Variants in RANBP2 observed in about 807,000 individuals in gnomAD.
RANBP2 encodes E3 SUMO-protein ligase RanBP2.
RANBP2 carries 57 observed loss-of-function variants against 303.6 expected under a neutral mutation model. The ratio of observed to expected loss-of-function variants is 0.19; its 90% CI spans 0.15 to 0.23. The LOEUF (loss-of-function observed/expected upper bound fraction) is 0.23, where lower values mean the gene tolerates loss of function less well. Among genes scored for constraint, RANBP2 ranks in the 10% least tolerant of loss-of-function variants. The probability of loss-of-function intolerance (pLI) is 1.00; values close to 1 mark genes in which losing one functional copy is unlikely to be tolerated. For missense variants in RANBP2, 3,138 were observed against 3,780.8 expected, an observed-to-expected ratio of 0.83 and a Z score of 4.46; for synonymous variants, 1,167 against 1,301.5, an observed-to-expected ratio of 0.90 and a Z score of 2.23.
chr2:108,798,682 C>T, the RANBP2 span: 109 of 854,032 alleles, frequency 1.3e-4, no homozygotes, highest in Middle Eastern at 1.1e-3. Context: ...CTTATTTCTC[C>T]TTCCCTTCCT....
chr2:109,039,507 C>T, the RANBP2 span, among the ~76,000 whole-genome samples: 8 of 152,104 alleles, frequency 5.3e-5, no homozygotes, highest in South Asian at 2.1e-4. Context: ...CATGCCACCA[C>T]GCACAGCTAA....
At chr2:108,760,090 TTAA>T (rs1415955155) in intron 18 of RANBP2, among the ~76,000 whole-genome samples, 1 of 152,086 alleles carries the variant, frequency 6.6e-6, no homozygotes, top group African/African-American at 2.4e-5. Context: ...TTCTTTTTCC[TTAA>T]TAAAAGTAAA....
At chr2:109,536,509 T>C in the RANBP2 span, among the ~76,000 whole-genome samples, 1 of 152,200 alleles carries the variant, frequency 6.6e-6, no homozygotes, top group African/African-American at 2.4e-5. Flanking sequence ...ACCCCCGCTA[T>C]ATCTAGGAAG....
chr2:109,088,232 A>C, the RANBP2 span, among the ~76,000 whole-genome samples: 1 of 151,898 alleles, frequency 6.6e-6, no homozygotes, highest in African/African-American at 2.4e-5. Flanking sequence ...CCTCATCTCT[A>C]CTAAAAATAC....
At chr2:109,111,327 G>T in the RANBP2 span, among the ~76,000 whole-genome samples, 1 of 152,048 alleles carries the variant, frequency 6.6e-6, no homozygotes, top group Non-Finnish European at 1.5e-5. Context: ...CTTTATTATG[G>T]GAATACTGAA....
the RANBP2 span, chr2:109,544,567 A>G: frequency 2.0e-6 from 2 of 981,436 alleles, no homozygotes; most frequent in African/African-American, 3.5e-5. Flanking sequence ...GCAGGGTGAT[A>G]ATTTTTACAA....
At chr2:109,224,863 A>G in the RANBP2 span, among the ~76,000 whole-genome samples, 1 of 151,984 alleles carries the variant, frequency 6.6e-6, no homozygotes, top group Non-Finnish European at 1.5e-5. Context: ...TCTCAAAAAA[A>G]TTTTTTTTCA....
the RANBP2 span, among the ~76,000 whole-genome samples, chr2:108,974,203 G>A: frequency 3.3e-5 from 5 of 151,468 alleles, no homozygotes; most frequent in Non-Finnish European, 5.9e-5. Flanking sequence ...GGTGGCAGGC[G>A]CCTGTAGTCC....
chr2:108,786,674 T>C (rs988336923), downstream of RANBP2: 12 of 689,394 alleles, frequency 1.7e-5, no homozygotes, highest in Non-Finnish European at 2.5e-5. Context: ...CGGGCTGCAG[T>C]CTCCGGGTCG....
the RANBP2 span, among the ~76,000 whole-genome samples, chr2:109,061,631 T>C: frequency 6.6e-6 from 1 of 152,322 alleles, no homozygotes; most frequent in African/African-American, 2.4e-5. Flanking sequence ...GGCTAATAAA[T>C]GCAATAATAA....
At chr2:108,830,335 A>T in the RANBP2 span, among the ~76,000 whole-genome samples, 1 of 152,202 alleles carries the variant, frequency 6.6e-6, no homozygotes, top group Non-Finnish European at 1.5e-5. Context: ...ATGGATAGTG[A>T]TGATGGTTAC....
At chr2:109,400,321 T>C in the RANBP2 span, among the ~76,000 whole-genome samples, 4 of 151,802 alleles carry the variant, frequency 2.6e-5, no homozygotes, top group African/African-American at 4.8e-5. Flanking sequence ...GGCACACACA[T>C]ATACCTGCAC....
chr2:109,462,105 T>C, the RANBP2 span, among the ~76,000 whole-genome samples: 1 of 151,190 alleles, frequency 6.6e-6, no homozygotes, highest in Admixed American at 6.6e-5. Flanking sequence ...GCAGGTGTCT[T>C]ACCAACAAAT....
the RANBP2 span, among the ~76,000 whole-genome samples, chr2:109,036,096 A>G: frequency 6.6e-6 from 1 of 151,868 alleles, no homozygotes; most frequent in Admixed American, 6.5e-5. Context: ...AAGAAAACTT[A>G]AGAGAACTTA....
chr2:108,843,198 C>G, the RANBP2 span, among the ~76,000 whole-genome samples: 1 of 152,138 alleles, frequency 6.6e-6, no homozygotes, highest in Non-Finnish European at 1.5e-5. Context: ...CACTCTGCTG[C>G]CCAGGCTAGA....
At chr2:108,772,704 TAAAAC>T (rs1330135844) in intron 22 of RANBP2, 123 bp downstream of exon 22, 3 of 1,241,652 alleles carry the variant, frequency 2.4e-6, no homozygotes, top group Non-Finnish European at 2.3e-6. Flanking sequence ...TTAAAAAACT[TAAAAC>T]TAACAGGTGA....
chr2:109,449,074 G>A, the RANBP2 span: 212 of 1,424,292 alleles, frequency 1.5e-4, no homozygotes, highest in African/African-American at 1.0e-3. Context: ...GTGAGTGCTC[G>A]AGAAGGGAGC....
chr2:108,811,734 C>T, the RANBP2 span, among the ~76,000 whole-genome samples: 1 of 151,850 alleles, frequency 6.6e-6, no homozygotes, highest in Non-Finnish European at 1.5e-5. Context: ...AACATTGTAC[C>T]CAGTAGGTTA....
chr2:109,227,468 G>C, the RANBP2 span, among the ~76,000 whole-genome samples: 2 of 152,210 alleles, frequency 1.3e-5, no homozygotes, highest in Admixed American at 1.3e-4. Flanking sequence ...GGAGTTATGA[G>C]GATGGTGACA....
Sources: allele counts gnomAD v4.1 joint callset (sites outside exome capture counted in the v4.1 genomes callset), GRCh38; gene constraint gnomAD v4.1.1; transcripts MANE v1.5; gene names NCBI Gene and HGNC (gene_info 2026-07-23, HGNC 2026-07-21).